SNAP91: variants seen among roughly 807,000 people sequenced by gnomAD.
SNAP91 encodes the protein synaptosome associated protein 91.
A neutral mutation model predicts 100.3 loss-of-function variants in SNAP91; 27 were observed. The ratio of observed to expected loss-of-function variants is 0.27; its 90% CI spans 0.20 to 0.37. The LOEUF is 0.37. Ranked by LOEUF, SNAP91 falls within the 10% of genes least tolerant of loss-of-function variation. The pLI, the probability that SNAP91 is intolerant of heterozygous loss-of-function variation, is 1.00. For missense variants in SNAP91, 986 were observed against 1,123.7 expected, an observed-to-expected ratio of 0.88 and a Z score of 1.75; for synonymous variants, 404 against 398.6, an observed-to-expected ratio of 1.01 and a Z score of -0.16.
At chr6:83,673,541 TC>T (rs763588591) in intron 2 of SNAP91, among the ~76,000 whole-genome samples, 6 of 152,196 alleles carry the variant, frequency 3.9e-5, no homozygotes, top group Non-Finnish European at 5.9e-5. Context: ...TGTACCTCCC[TC>T]CCTTCCTTGA....
At chr6:83,572,920 A>T (rs560781145) in intron 26 of SNAP91, among the ~76,000 whole-genome samples, 15 of 152,282 alleles carry the variant, frequency 9.9e-5, no homozygotes, top group African/African-American at 3.6e-4. Flanking sequence ...TTTTATTCAG[A>T]TTTATTTACT....
chr6:83,560,265 A>G, intron 27 of SNAP91, 57 bp from the exon 28 acceptor site: 1 of 1,200,502 alleles, frequency 8.3e-7, no homozygotes, highest in Non-Finnish European at 1.2e-6. Context: ...CTAGGGCACT[A>G]TCCTGACATT....
chr6:83,559,632 G>A (rs1215504711), intron 28 of SNAP91, among the ~76,000 whole-genome samples: 2 of 152,184 alleles, frequency 1.3e-5, no homozygotes, highest in Non-Finnish European at 2.9e-5. Context: ...TCACAAATAT[G>A]TGTCTTGCGT....
chr6:83,611,259 C>A (rs1215504221), intron 11 of SNAP91, among the ~76,000 whole-genome samples: 2 of 152,042 alleles, frequency 1.3e-5, no homozygotes, highest in Admixed American at 6.6e-5. Flanking sequence ...GAAAAATATT[C>A]CCATCATCCT....
At position 83,563,963 on chromosome 6, in the gene SNAP91, A is replaced by G. The variant is rs1013662554; in HGVS notation, c.2443-3016T>C. ...CACAGATTCAATGAAATCCCTATCA[A>G]AATTTCAACCACTTTTTTTTGGAGA... On this transcript the variant is annotated intron_variant, in intron 26 of 29. Coordinates refer to ENST00000369694, the MANE Select transcript of SNAP91 (RefSeq NM_001242792.2). 6.6e-5 allele frequency among the ~76,000 whole-genome samples: 10 copies of G among 152,230 alleles called. 1 individual carries two copies. The highest frequency in any genetic ancestry group is 3.3e-4 in the Admixed American group (5 of 15,288).
At chr6:83,683,736 A>G (rs1307516752) in intron 2 of SNAP91, among the ~76,000 whole-genome samples, 1 of 152,228 alleles carries the variant, frequency 6.6e-6, no homozygotes, top group East Asian at 1.9e-4. Flanking sequence ...CTTCTAGTAG[A>G]CCTGGATAGT....
rs149082374 is a variant in SNAP91, at chr6:83,681,647, A to G, written c.131-16066T>C. 6.0e-3 allele frequency among the ~76,000 whole-genome samples: 911 copies of G among 152,316 alleles called. 8 individuals are homozygous for G. Among genetic ancestry groups the G allele is most frequent in the African/African-American group, 0.021 (879 of 41,574 alleles). On this transcript the variant is annotated intron_variant, in intron 2 of 29. Transcript: ENST00000369694. Reference sequence around the variant, plus strand: ...GAACTGTATTTACTGGAGGTACAGAATACTATAAAATATAGGTAACTAAAG... The same window carrying G: ...GAACTGTATTTACTGGAGGTACAGAGTACTATAAAATATAGGTAACTAAAG...
intron 2 of SNAP91, among the ~76,000 whole-genome samples, chr6:83,669,576 A>C (rs217298): frequency 0.79 from 120,669 of 151,824 alleles, 48,522 homozygotes; most frequent in African/African-American, 0.91. Flanking sequence ...ATAAAACCAA[A>C]ACCAAAAATA....
intron 2 of SNAP91, among the ~76,000 whole-genome samples, chr6:83,669,851 A>G (rs889150447): frequency 2.0e-5 from 3 of 151,968 alleles, no homozygotes; most frequent in Non-Finnish European, 4.4e-5. Flanking sequence ...GTAGAGGTGT[A>G]TTCCATTAGA....
intron 28 of SNAP91, among the ~76,000 whole-genome samples, chr6:83,557,876 T>TA (rs1375635515): frequency 1.3e-5 from 2 of 151,904 alleles, no homozygotes; most frequent in Admixed American, 6.6e-5. Context: ...GCATCAGTAA[T>TA]AAAAAAACTA....
chr6:83,585,654 G>T (rs73751560), intron 22 of SNAP91, among the ~76,000 whole-genome samples: 1 of 151,888 alleles, frequency 6.6e-6, no homozygotes, highest in Non-Finnish European at 1.5e-5. Context: ...CTGTTTTCAG[G>T]TACTCAACCA....
chr6:83,591,122 AC>A, intron 22 of SNAP91, 88 bp downstream of exon 22: 4 of 851,642 alleles, frequency 4.7e-6, no homozygotes, highest in Non-Finnish European at 7.6e-6. Context: ...GAAAACATGC[AC>A]CCTGCAATTT....
chr6:83,597,593 C>T (rs553864992), intron 16 of SNAP91, among the ~76,000 whole-genome samples: 18 of 152,252 alleles, frequency 1.2e-4, no homozygotes, highest in Middle Eastern at 3.4e-3. Flanking sequence ...GAGCTGACTG[C>T]TGCAGACTAG....
chr6:83,643,795 G>C (rs539499120), intron 7 of SNAP91, among the ~76,000 whole-genome samples: 3 of 152,210 alleles, frequency 2.0e-5, no homozygotes, highest in Admixed American at 6.5e-5. Context: ...CTCCCCTGTA[G>C]GGTATTTAAG....
intron 12 of SNAP91, among the ~76,000 whole-genome samples, chr6:83,609,726 C>G (rs74606686): frequency 3.3e-5 from 5 of 152,022 alleles, no homozygotes; most frequent in Non-Finnish European, 1.5e-5. Context: ...AGGAGGTAAA[C>G]GAGTTATTAA....
chr6:83,556,114 G>T, intron 29 of SNAP91, 29 bp downstream of exon 29: 1 of 1,259,368 alleles, frequency 7.9e-7, no homozygotes, highest in Non-Finnish European at 1.1e-6. Flanking sequence ...ATTATTACAA[G>T]CCTACAGGAA....
Position 83,661,496 on chromosome 6 carries a change from A to C in SNAP91, c.452+6T>G. 1 of 1,563,646 alleles carries C rather than the reference A, an allele frequency of 6.4e-7. No homozygotes were observed. The highest frequency in any genetic ancestry group is 8.7e-7 in the Non-Finnish European group (1 of 1,143,022). ...TCTAATAAATATAAGAAAGACAAAA[A>C]CATACCCTTTCTTCACCCTGGCAAA... On this transcript the variant is annotated splice_donor_region_variant and intron_variant, in intron 5 of 29. Transcript: ENST00000369694.
intron 8 of SNAP91, among the ~76,000 whole-genome samples, chr6:83,637,314 T>C (rs2097499667): frequency 6.6e-6 from 1 of 152,198 alleles, no homozygotes; most frequent in African/African-American, 2.4e-5. Context: ...TGAGAGATCA[T>C]CAGGAGATCT....
At chr6:83,682,959 T>TG (rs1377371652) in intron 2 of SNAP91, among the ~76,000 whole-genome samples, 1 of 152,058 alleles carries the variant, frequency 6.6e-6, no homozygotes, top group Non-Finnish European at 1.5e-5. Context: ...AGCTAGCCTC[T>TG]GGAAGCCTCT....
Sources: allele counts gnomAD v4.1 joint callset (sites outside exome capture counted in the v4.1 genomes callset), GRCh38; gene constraint gnomAD v4.1.1; transcripts MANE v1.5; gene names NCBI Gene and HGNC (gene_info 2026-07-23, HGNC 2026-07-21).